PCDHA3: variants seen among roughly 807,000 people sequenced by gnomAD.
PCDHA3 encodes protocadherin alpha 3.
PCDHA3 carries 41 observed loss-of-function variants against 62.2 expected under a neutral mutation model. The observed-to-expected ratio is 0.66, with a 90% CI of 0.51 to 0.86. The LOEUF (loss-of-function observed/expected upper bound fraction) is 0.86, where lower values mean the gene tolerates loss of function less well. PCDHA3 is among the 40% of genes least tolerant of loss of function. The probability of loss-of-function intolerance (pLI) is 0.00; values close to 1 mark genes in which losing one functional copy is unlikely to be tolerated. For missense variants in PCDHA3, 1,304 were observed against 1,241.2 expected (o/e 1.05, Z -0.76); for synonymous variants, 640 against 555.4 (o/e 1.15, Z -2.14).
intron 1 of PCDHA3, among the ~76,000 whole-genome samples, chr5:140,941,202 C>CCTTTCTTCCTTTCTTTCTTTCTTTCTTT (rs1394736170): frequency 6.0e-4 from 74 of 122,806 alleles, no homozygotes; most frequent in Middle Eastern, 4.2e-3. Flanking sequence ...TTTCTTTCTT[C>CCTTTCTTCCTTTCTTTCTTTCTTTCTTT]CTTTCTTTCT....
intron 1 of PCDHA3, among the ~76,000 whole-genome samples, chr5:140,907,806 A>G (rs1046843294): frequency 2.6e-5 from 4 of 152,192 alleles, no homozygotes; most frequent in Non-Finnish European, 5.9e-5. Flanking sequence ...AGTGGTGTCC[A>G]CAGAACGAGT....
chr5:140,850,559 C>A, intron 1 of PCDHA3: 3 of 1,598,268 alleles, frequency 1.9e-6, no homozygotes, highest in Non-Finnish European at 2.6e-6. Flanking sequence ...GTGCCACGGG[C>A]CCCGAGGTGA....
intron 1 of PCDHA3, chr5:140,821,828 T>A: frequency 6.2e-7 from 1 of 1,614,176 alleles, no homozygotes; most frequent in African/African-American, 1.3e-5. Flanking sequence ...CTGCTCTGGC[T>A]TCTCCTTGCC....
chr5:140,906,239 T>G (rs563566442), intron 1 of PCDHA3, among the ~76,000 whole-genome samples: 5 of 152,314 alleles, frequency 3.3e-5, no homozygotes, highest in Admixed American at 1.3e-4. Context: ...CCTTGTCAAC[T>G]TGAACCCATA....
At chr5:140,825,053 T>C (rs1768434684) in intron 1 of PCDHA3, 1 of 152,046 alleles carries the variant, frequency 6.6e-6, no homozygotes, top group South Asian at 2.1e-4. Context: ...TTTCACCTCC[T>C]TCATGAAGCC....
At chr5:140,830,591 CA>C (rs1263490069) in intron 1 of PCDHA3, 1 of 718,270 alleles carries the variant, frequency 1.4e-6, no homozygotes, top group Non-Finnish European at 2.0e-6. Flanking sequence ...ATTAATTTTA[CA>C]AAATTACATA....
intron 1 of PCDHA3, among the ~76,000 whole-genome samples, chr5:140,961,280 CT>C (rs2153727915): frequency 6.6e-6 from 1 of 152,104 alleles, no homozygotes; most frequent in Admixed American, 6.5e-5. Flanking sequence ...TACCATGGCT[CT>C]GTTTCTTGAG....
At chr5:140,829,934 G>A (rs2150178196) in intron 1 of PCDHA3, 1 of 1,613,996 alleles carries the variant, frequency 6.2e-7, no homozygotes, top group East Asian at 2.2e-5. Context: ...GCAGCCCCCG[G>A]CAAGCAGCGC....
At chr5:141,007,839 A>C (rs782046722) in intron 3 of PCDHA3, among the ~76,000 whole-genome samples, 2 of 152,226 alleles carry the variant, frequency 1.3e-5, no homozygotes, top group Non-Finnish European at 2.9e-5. Context: ...TACCCATTAG[A>C]GACTCAAAGT....
intron 1 of PCDHA3, among the ~76,000 whole-genome samples, chr5:140,947,571 GT>G (rs782708059): frequency 1.8e-4 from 28 of 151,588 alleles, no homozygotes; most frequent in Non-Finnish European, 3.1e-4. Context: ...TATTGGGAAT[GT>G]TTTTAACATT....
At position 140,853,506 on chromosome 5, in the gene PCDHA3, A is replaced by G. The variant is rs1198826408; in HGVS notation, c.2394+49915A>G. On this transcript the variant is annotated intron_variant, in intron 1 of 3. Transcript: ENST00000522353. ...TCAATTCAAGTTAGAATCATGAAAC[A>G]ATAATGAAGCTCCTCCTATGTCTCT... The G allele has an allele frequency of 4.1e-6, 4 of 977,436 alleles. 1 individual carries two copies. The African/African-American group carries it at 7.1e-5, about 17-fold the overall frequency. The allele number at this position is 977,436 out of a possible 1,614,324, so 60.5% of individuals were successfully genotyped here. A position where few individuals can be genotyped will look rare whatever the true frequency, so the allele number is the denominator to read the frequency against.
intron 1 of PCDHA3, chr5:140,859,624 G>C (rs11749013): frequency 0.2 from 31,664 of 160,658 alleles, 6,158 homozygotes; most frequent in Middle Eastern, 0.25. Context: ...TTCTCTTTGA[G>C]TATGGAGATT....
chr5:140,837,733 GT>G (rs1775232652), intron 1 of PCDHA3, among the ~76,000 whole-genome samples: 1 of 151,046 alleles, frequency 6.6e-6, no homozygotes, highest in Non-Finnish European at 1.5e-5. Context: ...CTGAAATGCA[GT>G]GGTGGGATTA....
intron 1 of PCDHA3, among the ~76,000 whole-genome samples, chr5:140,924,901 AAAAATAAAATAAAAT>A (rs10667761): frequency 2.0e-3 from 158 of 80,494 alleles, no homozygotes; most frequent in African/African-American, 5.2e-3. Context: ...TCTCAAAAAA[AAAAATAAAATAAAAT>A]AAAATAAAAT....
intron 1 of PCDHA3, chr5:140,822,062 G>T (rs997674203): frequency 3.1e-6 from 5 of 1,614,086 alleles, no homozygotes; most frequent in East Asian, 2.2e-5. Context: ...GAGCTGTGCC[G>T]GCGGAGGGCG....
intron 1 of PCDHA3, chr5:140,856,276 A>C (rs1554148470): frequency 6.3e-7 from 1 of 1,598,372 alleles, no homozygotes; most frequent in Admixed American, 1.7e-5. Context: ...TTCTGGAGGT[A>C]AATCTGCAGA....
intron 1 of PCDHA3, chr5:140,862,477 A>G (rs1227905551): frequency 2.6e-6 from 1 of 379,090 alleles, no homozygotes; most frequent in African/African-American, 2.1e-5. Context: ...AAATCTATCC[A>G]TTGTTGGTAA....
chr5:140,943,129 G>T (rs2093422146), intron 1 of PCDHA3, among the ~76,000 whole-genome samples: 1 of 151,684 alleles, frequency 6.6e-6, no homozygotes, highest in South Asian at 2.1e-4. Flanking sequence ...GTGGTAGTGG[G>T]TGCCTGTAGT....
chr5:140,870,314 A>C (rs1253656655), intron 1 of PCDHA3: 6 of 1,613,546 alleles, frequency 3.7e-6, no homozygotes, highest in Non-Finnish European at 5.1e-6. Context: ...AAGAATTACT[A>C]CTCGTTGGTG....
Sources: allele counts gnomAD v4.1 joint callset (sites outside exome capture counted in the v4.1 genomes callset), GRCh38; gene constraint gnomAD v4.1.1; transcripts MANE v1.5; gene names NCBI Gene and HGNC (gene_info 2026-07-23, HGNC 2026-07-21).